FAM234A: variants seen among roughly 807,000 people sequenced by gnomAD.
The protein encoded by FAM234A is protein FAM234A.
In FAM234A, 42 loss-of-function variants were observed where a neutral mutation model predicts 49.1. The ratio of observed to expected loss-of-function variants is 0.86; its 90% CI spans 0.67 to 1.11. The LOEUF (loss-of-function observed/expected upper bound fraction) is 1.11. Ranked by LOEUF, FAM234A falls within the 50% of genes least tolerant of loss-of-function variation. The probability of loss-of-function intolerance (pLI) is 0.00; values close to 1 mark genes in which losing one functional copy is unlikely to be tolerated. For missense variants in FAM234A, 815 were observed against 745.2 expected, an observed-to-expected ratio of 1.09 and a Z score of -1.09; for synonymous variants, 369 against 316.2, an observed-to-expected ratio of 1.17 and a Z score of -1.77.
chr16:265,307 A>G lies in FAM234A; in HGVS notation c.*285A>G, dbSNP rs2051654927. 3.3e-6 allele frequency: 4 copies of G among 1,227,792 alleles called. No homozygotes were observed. The highest frequency in any genetic ancestry group is 5.2e-5 in the South Asian group (2 of 38,106). The allele number at this position is 1,227,792 out of a possible 1,614,324, so 76.1% of individuals were successfully genotyped here. On this transcript the variant is annotated 3_prime_UTR_variant, in exon 13 of 13. Transcript: ENST00000399932. ...GTCCCGCTCACACCAGGCAGCCTTCATAGTGGTCTCCCTGGCCACCTTGGG... is the reference window on the plus strand; with the variant it reads ...GTCCCGCTCACACCAGGCAGCCTTCGTAGTGGTCTCCCTGGCCACCTTGGG...
intron 1 of FAM234A, among the ~76,000 whole-genome samples, chr16:237,156 T>A (rs1348762925): frequency 6.6e-6 from 1 of 152,138 alleles, no homozygotes; most frequent in Non-Finnish European, 1.5e-5. Flanking sequence ...TCCTCCTGCC[T>A]TGGCCTCGCA....
chr16:237,474 G>C (rs1257071017), intron 1 of FAM234A, among the ~76,000 whole-genome samples: 1 of 151,904 alleles, frequency 6.6e-6, no homozygotes, highest in Non-Finnish European at 1.5e-5. Flanking sequence ...AATTTAAAAA[G>C]AACAAATAAA....
Position 247,231 on chromosome 16 carries a change from A to G in FAM234A, c.-139-2318A>G, listed in dbSNP as rs538901360. 2.2e-4 allele frequency among the ~76,000 whole-genome samples: 34 copies of G among 151,856 alleles called. 1 individual carries two copies. Among genetic ancestry groups the G allele is most frequent in the African/African-American group, 7.8e-4 (32 of 41,280 alleles). On this transcript the variant is annotated intron_variant, in intron 1 of 12. Coordinates refer to ENST00000399932, the MANE Select transcript of FAM234A (RefSeq NM_032039.4). ...TTGCAGCCTCCACTTCCTGGCTTCA[A>G]GTGACCCTCCCACCTCAGCTCCTGG... is the stretch of plus-strand genomic sequence containing the variant.
At chr16:250,435 T>C (rs1179349836) in intron 2 of FAM234A, among the ~76,000 whole-genome samples, 4 of 152,160 alleles carry the variant, frequency 2.6e-5, no homozygotes, top group African/African-American at 9.6e-5. Context: ...CCCACCCCCA[T>C]GCCAGCTGCT....
Position 254,580 on chromosome 16 carries a change from T to G in FAM234A, c.167T>G (p.Leu56Trp). Residue 56 changes from leucine to tryptophan, a missense_variant, in exon 3 of 13, where the codon TTG (leucine) becomes TGG (tryptophan). Coordinates refer to ENST00000399932, the MANE Select transcript of FAM234A (RefSeq NM_032039.4). The stretch of plus-strand genomic sequence containing the variant: ...CGAGCGGCGGCGTTTTTTCTTTCAT[T>G]GTTTCTCTGCCTTTTTGTGGTGTTC... The part of the protein sequence containing the change: ...RCRAAAFFLS[L>W]FLCLFVVFVV... 4 of 1,614,172 alleles carry G rather than the reference T, an allele frequency of 2.5e-6. No homozygotes were observed. The highest frequency in any genetic ancestry group is 3.4e-6 in the Non-Finnish European group (4 of 1,180,024).
chr16:261,133 G>A (rs112933040), intron 5 of FAM234A: 6,737 of 415,920 alleles, frequency 0.016, 422 homozygotes, highest in African/African-American at 0.12. Flanking sequence ...GGCTGTCAGC[G>A]TTTGGCATAT....
Position 265,043 on chromosome 16 carries a change from G to T in FAM234A, c.*21G>T. The T allele has an allele frequency of 6.3e-7, 1 of 1,580,206 alleles. No individual in the cohort carries two copies. The highest frequency in any genetic ancestry group is 8.6e-7 in the Non-Finnish European group (1 of 1,160,122). ...CGTAGAGGCACGCCAGCCAGAGCCT[G>T]TGGAGAGACTCCGCCTGCTGACACT... On this transcript the variant is annotated 3_prime_UTR_variant, in exon 13 of 13. Coordinates refer to ENST00000399932, the MANE Select transcript of FAM234A (RefSeq NM_032039.4).
At position 261,467 on chromosome 16, in the gene FAM234A, G is replaced by A. The variant is rs375399489; in HGVS notation, c.661G>A (p.Gly221Ser). The change falls in exon 6 of 13, where the codon GGC becomes AGC. Residue 221 changes from glycine (G) to serine (S), a missense_variant. By Grantham distance (56) the Gly-to-Ser change is moderately conservative. Transcript: ENST00000399932. ...TCTGCTGCAGGTGCCTGATGTGGAC[G>A]GCGATGGGGCCCCAGACCTGCTGGT... ...SPLLQVPDVD[G>S]DGAPDLLVLT... is the part of the protein sequence containing the mutation. 87 of 1,612,786 alleles carry A rather than the reference G, an allele frequency of 5.4e-5. No homozygotes were observed. In the Middle Eastern group the frequency reaches 1.8e-3, roughly 34 times the overall value.
At chr16:250,367 G>A (rs1274926402) in intron 2 of FAM234A, among the ~76,000 whole-genome samples, 3 of 151,708 alleles carry the variant, frequency 2.0e-5, no homozygotes, top group Non-Finnish European at 4.4e-5. Context: ...GCACTCCTAC[G>A]TTCTGTTGCT....
chr16:256,329 T>C lies in FAM234A; in HGVS notation c.268+1648T>C, dbSNP rs2051231277. Reference sequence around the variant, plus strand: ...CCATTTGACTATTTTCCATTCCTACTACAATGCTGAGGAGGCCTTTAGTTT... The same window carrying C: ...CCATTTGACTATTTTCCATTCCTACCACAATGCTGAGGAGGCCTTTAGTTT... On this transcript the variant is annotated intron_variant, in intron 3 of 12. Coordinates refer to ENST00000399932, the MANE Select transcript of FAM234A (RefSeq NM_032039.4). 2.0e-5 allele frequency among the ~76,000 whole-genome samples: 3 copies of C among 152,224 alleles called. No homozygotes were observed. The South Asian group carries it at 6.2e-4, about 32-fold the overall frequency.
intron 3 of FAM234A, among the ~76,000 whole-genome samples, chr16:258,526 C>G (rs965021482): frequency 6.6e-6 from 1 of 152,198 alleles, no homozygotes; most frequent in Non-Finnish European, 1.5e-5. Flanking sequence ...TAGTACAGAA[C>G]AAAATGAAAA....
rs1290601881 is a variant in FAM234A, at chr16:254,636, C to G, written c.223C>G (p.Arg75Gly). 6.2e-7 allele frequency: 1 copy of G among 1,614,064 alleles called. No individual in the cohort carries two copies. The highest frequency in any genetic ancestry group is 8.5e-7 in the Non-Finnish European group (1 of 1,180,014). ...CTCATTCGTCATCCCGTGTCCAGAC[C>G]GGCCGGCGTCACAGCGAATGTGGAG... ...VVSFVIPCPD[R>G]PASQRMWRID... The change falls in exon 3 of 13, where the codon CGG becomes GGG. Residue 75 changes from arginine (R) to glycine (G), a missense_variant. Transcript: ENST00000399932.
intron 1 of FAM234A, among the ~76,000 whole-genome samples, chr16:247,730 G>A (rs1265439998): frequency 6.6e-6 from 1 of 152,084 alleles, no homozygotes; most frequent in East Asian, 1.9e-4. Context: ...ACCGCGCCTG[G>A]CCTTATTAAT....
chr16:250,444 C>T (rs1224335114), intron 2 of FAM234A, among the ~76,000 whole-genome samples: 1 of 152,062 alleles, frequency 6.6e-6, no homozygotes, highest in East Asian at 1.9e-4. Context: ...ATGCCAGCTG[C>T]TTGGGTTTAA....
intron 6 of FAM234A, 61 bp from the exon 7 acceptor site, chr16:262,032 T>G (rs1204924274): frequency 1.3e-6 from 2 of 1,562,450 alleles, no homozygotes; most frequent in East Asian, 4.5e-5. Context: ...TCCTGGGCCT[T>G]GTGTCCTTGC....
intron 10 of FAM234A, 82 bp downstream of exon 10, chr16:263,857 C>G: frequency 1.4e-6 from 2 of 1,406,200 alleles, no homozygotes; most frequent in Non-Finnish European, 2.0e-6. Flanking sequence ...GGCTGCGGCC[C>G]AGGAGGCTGC....
chr16:245,954 C>T (rs2141216267), intron 1 of FAM234A, among the ~76,000 whole-genome samples: 1 of 152,120 alleles, frequency 6.6e-6, no homozygotes, highest in East Asian at 1.9e-4. Flanking sequence ...CGCCTGTAAT[C>T]CCAGCACTTT....
chr16:235,254 T>C (rs1298184669), intron 1 of FAM234A, among the ~76,000 whole-genome samples: 1 of 152,104 alleles, frequency 6.6e-6, no homozygotes, highest in Non-Finnish European at 1.5e-5. Flanking sequence ...CTGGGTTGCC[T>C]GAGAGTGTTT....
downstream of FAM234A, chr16:268,242 TACGC>T (rs2051762157): frequency 4.7e-6 from 1 of 211,240 alleles, no homozygotes; most frequent in African/African-American, 2.3e-5. Flanking sequence ...ACATGCCTCA[TACGC>T]ACACACACCC....
Sources: allele counts gnomAD v4.1 joint callset (sites outside exome capture counted in the v4.1 genomes callset), GRCh38; gene constraint gnomAD v4.1.1; transcripts MANE v1.5; gene names NCBI Gene and HGNC (gene_info 2026-07-23, HGNC 2026-07-21).